Variants in VIPR2 observed in about 807,000 individuals in gnomAD.
The protein encoded by VIPR2 is vasoactive intestinal peptide receptor 2.
In VIPR2, 48 loss-of-function variants were observed where a neutral mutation model predicts 58.0. That is an observed-to-expected ratio of 0.83 (90% confidence interval 0.66 to 1.05). VIPR2 has a LOEUF of 1.05. Ranked by LOEUF, VIPR2 falls within the 50% of genes least tolerant of loss-of-function variation. The pLI, the probability that VIPR2 is intolerant of heterozygous loss-of-function variation, is 0.00. For synonymous variants in VIPR2, 243 were observed against 235.2 expected (o/e 1.03, Z -0.30); for missense variants, 534 against 558.0 (o/e 0.96, Z 0.43).
At chr7:159,078,076 T>C (rs1431251401) in intron 4 of VIPR2, among the ~76,000 whole-genome samples, 2 of 152,268 alleles carry the variant, frequency 1.3e-5, no homozygotes, top group Non-Finnish European at 2.9e-5. Flanking sequence ...TTCATGCCTG[T>C]TCCTGTGTGG....
At position 159,109,932 on chromosome 7, in the gene VIPR2, A is replaced by G. The variant is rs377471613; in HGVS notation, c.152-13T>C. 2 of 1,612,142 alleles carry G rather than the reference A, an allele frequency of 1.2e-6. No individual in the cohort carries two copies. The highest frequency in any genetic ancestry group is 2.7e-5 in the African/African-American group (2 of 74,924). ...ACGCCACTGCAGGCTGGAAGGAGAG[A>G]AGCAGAGTGAGGCAGGTGCAAGGTG... On this transcript the variant is annotated splice_polypyrimidine_tract_variant and intron_variant, in intron 2 of 12. Coordinates refer to ENST00000262178, the MANE Select transcript of VIPR2 (RefSeq NM_003382.5).
intron 4 of VIPR2, among the ~76,000 whole-genome samples, chr7:159,063,078 C>A (rs2129494221): frequency 6.6e-6 from 1 of 152,366 alleles, no homozygotes; most frequent in East Asian, 1.9e-4. Context: ...GCCCAGCTGG[C>A]TTCACCTAGT....
chr7:159,144,750 CG>C lies in VIPR2; in HGVS notation c.21del (p.Ala8ArgfsTer3), dbSNP rs1797622789. Reference sequence around the variant, plus strand: ...GCGAGCAGCCAGCAGGTCAGCAGCGCGGGAGGCAGCAGCGTCCGCATCCCGA... The same window carrying C: ...GCGAGCAGCCAGCAGGTCAGCAGCGCGGAGGCAGCAGCGTCCGCATCCCGA... MRTLLP[P>X]ALLTCWLLAP... On this transcript the variant is annotated frameshift_variant, in exon 1 of 13. Transcript: ENST00000262178. LOFTEE classifies it high-confidence loss of function. 4 of 1,292,336 alleles carry C rather than the reference CG, an allele frequency of 3.1e-6. No individual in the cohort carries two copies. Among genetic ancestry groups the C allele is most frequent in the Non-Finnish European group, 3.9e-6 (4 of 1,022,096 alleles). The allele number at this position is 1,292,336 out of a possible 1,614,324, so 80.1% of individuals were successfully genotyped here.
In VIPR2 at chr7:159,111,635, G is replaced by A. The variant is rs1331278001; in HGVS notation, c.152-1716C>T. Among the ~76,000 whole-genome samples the A allele has an allele frequency of 1.1e-4, 16 of 151,352 alleles. No homozygotes were observed. In the East Asian group the frequency reaches 1.2e-3, roughly 11 times the overall value. On this transcript the variant is annotated intron_variant, in intron 2 of 12. Coordinates refer to ENST00000262178, the MANE Select transcript of VIPR2 (RefSeq NM_003382.5). Reference sequence around the variant, plus strand: ...GTGGAGGTTGCAGTGAGCCGAGATCGCATCACTGCATTCCAGCCTGGGTGA... The same window carrying A: ...GTGGAGGTTGCAGTGAGCCGAGATCACATCACTGCATTCCAGCCTGGGTGA...
intron 6 of VIPR2, among the ~76,000 whole-genome samples, chr7:159,037,563 A>C (rs1854056175): frequency 6.6e-6 from 1 of 152,232 alleles, no homozygotes; most frequent in Non-Finnish European, 1.5e-5. Context: ...CTCAATTGTA[A>C]AAAACTGGTT....
chr7:159,118,741 G>A (rs962949335), intron 2 of VIPR2, among the ~76,000 whole-genome samples: 13 of 152,352 alleles, frequency 8.5e-5, no homozygotes, highest in Non-Finnish European at 1.0e-4. Flanking sequence ...TTCTTGTACC[G>A]TGGTGATTCT....
Position 159,123,209 on chromosome 7 carries a change from CTT to C in VIPR2, c.152-13292_152-13291del, listed in dbSNP as rs558400744. On this transcript the variant is annotated intron_variant, in intron 2 of 12. Transcript: ENST00000262178. The stretch of plus-strand genomic sequence containing the variant: ...TAGGGAGGCTGAGGCAGGAGAATCG[CTT>C]CAACCCAGGAGGCAGAGGTTGCAGT... Among the ~76,000 whole-genome samples, 88 of 141,924 alleles carry C rather than the reference CTT, an allele frequency of 6.2e-4. 1 individual carries two copies. Among genetic ancestry groups the C allele is most frequent in the African/African-American group, 2.1e-3 (81 of 38,918 alleles). The allele number at this position is 141,924 out of a possible 152,430, so 93.1% of individuals were successfully genotyped here. A position where few individuals can be genotyped will look rare whatever the true frequency, so the allele number is the denominator to read the frequency against.
intron 2 of VIPR2, among the ~76,000 whole-genome samples, chr7:159,113,789 G>A (rs73730166): frequency 0.021 from 3,145 of 152,242 alleles, 106 homozygotes; most frequent in African/African-American, 0.069. Flanking sequence ...TTGGGTGGTG[G>A]GAATGGCACA....
chr7:159,128,922 A>G lies in VIPR2; in HGVS notation c.151+13524T>C, dbSNP rs430021. The stretch of plus-strand genomic sequence containing the variant: ...TTCCATCTGCTGCACACCAAAGCCC[A>G]CCACCCTTCAAGCTCCAGGGCAAAG... On this transcript the variant is annotated intron_variant, in intron 2 of 12. Transcript: ENST00000262178. The surrounding 1 kb of genome is among the most constrained non-coding windows in gnomAD (Gnocchi z 4.1). Among the ~76,000 whole-genome samples, 151,400 of 152,308 alleles carry G rather than the reference A, an allele frequency of 0.99. 75,255 individuals are homozygous for G. The highest frequency in any genetic ancestry group is 1 in the South Asian group (4,822 of 4,822).
At chr7:159,119,974 G>C (rs932174326) in intron 2 of VIPR2, among the ~76,000 whole-genome samples, 2 of 152,090 alleles carry the variant, frequency 1.3e-5, no homozygotes, top group African/African-American at 4.8e-5. Flanking sequence ...AGCCTGGTAG[G>C]TGGGGTCGGA....
At chr7:159,140,365 C>G (rs766317419) in intron 2 of VIPR2, among the ~76,000 whole-genome samples, 1 of 152,180 alleles carries the variant, frequency 6.6e-6, no homozygotes, top group Non-Finnish European at 1.5e-5. Flanking sequence ...CGGTTCACAT[C>G]GCTGATAGCA....
intron 4 of VIPR2, among the ~76,000 whole-genome samples, chr7:159,073,796 G>A (rs1195858730): frequency 1.3e-5 from 2 of 152,158 alleles, no homozygotes; most frequent in African/African-American, 2.4e-5. Context: ...GCCACATGGA[G>A]TGGGGGAGCC....
intron 3 of VIPR2, 56 bp downstream of exon 3, chr7:159,109,756 G>T: frequency 6.6e-7 from 1 of 1,513,348 alleles, no homozygotes; most frequent in Non-Finnish European, 9.2e-7. Flanking sequence ...GGAAAAAATG[G>T]ACGCTCAGAT....
chr7:159,126,430 G>T (rs1411533752), intron 2 of VIPR2, among the ~76,000 whole-genome samples: 1 of 152,228 alleles, frequency 6.6e-6, no homozygotes, highest in Non-Finnish European at 1.5e-5. Context: ...TTTTAGAAAT[G>T]CTGCAATTAA....
At chr7:159,086,516 G>T (rs1336285333) in intron 4 of VIPR2, among the ~76,000 whole-genome samples, 1 of 152,252 alleles carries the variant, frequency 6.6e-6, no homozygotes, top group Non-Finnish European at 1.5e-5. Context: ...CCCAGGAAGG[G>T]CTGAGGCTGG....
intron 4 of VIPR2, among the ~76,000 whole-genome samples, chr7:159,084,152 G>C (rs1857050932): frequency 6.6e-6 from 1 of 152,248 alleles, no homozygotes; most frequent in Non-Finnish European, 1.5e-5. Context: ...TCAGTACTCA[G>C]ACAGCTTCTG....
chr7:159,047,149 C>T (rs939117046), intron 5 of VIPR2, among the ~76,000 whole-genome samples: 5 of 152,110 alleles, frequency 3.3e-5, no homozygotes, highest in South Asian at 4.1e-4. Context: ...GCAGGAGAAT[C>T]GCTTGAACCC....
rs1398385471 is a variant in VIPR2, at chr7:159,028,991, A to AG, written c.*1624dup. ...ACAGGGTGCGGACCTTTGGGGATTG[A>AG]GGGGTCTCTGGACACTGCTGCTTTG... On this transcript the variant is annotated 3_prime_UTR_variant, in exon 13 of 13. Transcript: ENST00000262178. 1.3e-5 allele frequency: 2 copies of AG among 152,302 alleles called. No individual in the cohort carries two copies. The highest frequency in any genetic ancestry group is 2.4e-5 in the African/African-American group (1 of 41,442). 9.4% of individuals were successfully genotyped at this position (152,302 alleles called of 1,614,324 possible).
At position 159,099,431 on chromosome 7, in the gene VIPR2, A is replaced by T. The variant is rs1229755429; in HGVS notation, c.357+4326T>A. 2.0e-5 allele frequency among the ~76,000 whole-genome samples: 3 copies of T among 152,114 alleles called. No individual in the cohort carries two copies. The highest frequency in any genetic ancestry group is 7.2e-5 in the African/African-American group (3 of 41,412). On this transcript the variant is annotated intron_variant, in intron 4 of 12. Transcript: ENST00000262178. The surrounding 1 kb of genome is among the most constrained non-coding windows in gnomAD (Gnocchi z 4.2). ...CAGGGTGTGCCCAGGAGGAGACAGG[A>T]GATAAGGAGCTTGGGCATGACTCTG...
Sources: gnomAD v4.1 joint callset for allele counts (sites outside exome capture counted in the v4.1 genomes callset) on GRCh38, gnomAD v4.1.1 for gene constraint, Gnocchi (gnomAD v3.1) non-coding constraint, MANE v1.5 for transcripts, NCBI Gene and HGNC (gene_info 2026-07-23, HGNC 2026-07-21) for gene names.